Variants in ZFPM2 observed in about 807,000 individuals in gnomAD.
ZFPM2 encodes the protein zinc finger protein ZFPM2.
A neutral mutation model predicts 98.6 loss-of-function variants in ZFPM2; 20 were observed. The observed-to-expected ratio is 0.20, with a 90% CI of 0.14 to 0.29. The LOEUF (loss-of-function observed/expected upper bound fraction) is 0.29. Ranked by LOEUF, ZFPM2 falls within the 10% of genes least tolerant of loss-of-function variation. The pLI, the probability that ZFPM2 is intolerant of heterozygous loss-of-function variation, is 1.00. For missense variants in ZFPM2, 1,310 were observed against 1,388.6 expected, an observed-to-expected ratio of 0.94 and a Z score of 0.90; for synonymous variants, 518 against 502.7, an observed-to-expected ratio of 1.03 and a Z score of -0.41.
intron 1 of ZFPM2, among the ~76,000 whole-genome samples, chr8:105,408,465 T>C (rs144049214): frequency 1.3e-3 from 195 of 151,886 alleles, no homozygotes; most frequent in African/African-American, 4.4e-3. Context: ...CATGTTGATT[T>C]TGTTTTCCCC....
chr8:105,517,848 A>G (rs1202899891), intron 3 of ZFPM2, among the ~76,000 whole-genome samples: 2 of 152,130 alleles, frequency 1.3e-5, no homozygotes, highest in African/African-American at 4.8e-5. Context: ...GGAGGTCCAG[A>G]TTGCAGTGAA....
chr8:105,477,024 G>A (rs539471059), intron 3 of ZFPM2, among the ~76,000 whole-genome samples: 4 of 152,110 alleles, frequency 2.6e-5, no homozygotes, highest in South Asian at 2.1e-4. Context: ...CAGCTATGCC[G>A]GTGTACTGTT....
At chr8:105,358,279 A>T (rs1812785926) in intron 1 of ZFPM2, among the ~76,000 whole-genome samples, 1 of 148,036 alleles carries the variant, frequency 6.8e-6, no homozygotes, top group Non-Finnish European at 1.5e-5. Flanking sequence ...TCTGAGGTGG[A>T]GTCTTGCTCT....
chr8:105,427,474 G>A (rs1436679151), intron 2 of ZFPM2, among the ~76,000 whole-genome samples: 1 of 152,136 alleles, frequency 6.6e-6, no homozygotes, highest in South Asian at 2.1e-4. Flanking sequence ...TATTTTTGAG[G>A]CATGTTAAGC....
intron 5 of ZFPM2, among the ~76,000 whole-genome samples, chr8:105,656,060 A>G (rs1351107181): frequency 2.0e-5 from 3 of 152,174 alleles, no homozygotes; most frequent in Non-Finnish European, 4.4e-5. Flanking sequence ...AAAACAAACA[A>G]TAATTCCTAT....
intron 2 of ZFPM2, among the ~76,000 whole-genome samples, chr8:105,432,890 A>G (rs896336978): frequency 1.2e-4 from 19 of 152,162 alleles, no homozygotes; most frequent in Admixed American, 8.5e-4. Flanking sequence ...ACTTGAGGCC[A>G]GGAGTTTGAG....
intron 4 of ZFPM2, among the ~76,000 whole-genome samples, chr8:105,566,805 A>G (rs1030973276): frequency 2.0e-5 from 3 of 152,214 alleles, no homozygotes; most frequent in Non-Finnish European, 4.4e-5. Context: ...AACTCATCGC[A>G]ACCTGTTAAA....
intron 3 of ZFPM2, among the ~76,000 whole-genome samples, chr8:105,536,422 T>A (rs1814453173): frequency 6.6e-6 from 1 of 152,158 alleles, no homozygotes; most frequent in Non-Finnish European, 1.5e-5. Flanking sequence ...TTCTATTTTT[T>A]ATGGTTTACT....
At chr8:105,467,807 C>T (rs1309638062) in intron 3 of ZFPM2, among the ~76,000 whole-genome samples, 1 of 151,974 alleles carries the variant, frequency 6.6e-6, no homozygotes, top group South Asian at 2.1e-4. Flanking sequence ...AAATATGCTA[C>T]CCCTAGTCTC....
At chr8:105,778,979 T>C (rs956592750) in intron 5 of ZFPM2, among the ~76,000 whole-genome samples, 2 of 151,992 alleles carry the variant, frequency 1.3e-5, no homozygotes, top group African/African-American at 2.4e-5. Context: ...GTTTTATTGA[T>C]TTTCTTCCCC....
intron 4 of ZFPM2, among the ~76,000 whole-genome samples, chr8:105,625,130 G>A (rs1268046501): frequency 6.6e-5 from 10 of 152,098 alleles, no homozygotes; most frequent in Admixed American, 6.6e-4. Flanking sequence ...TAGTGTAGTG[G>A]TTCTCGTTAT....
At chr8:105,480,992 C>T (rs1813105198) in intron 3 of ZFPM2, among the ~76,000 whole-genome samples, 1 of 152,098 alleles carries the variant, frequency 6.6e-6, no homozygotes, top group Non-Finnish European at 1.5e-5. Context: ...CCACGTGATC[C>T]ACCCACCTTG....
intron 6 of ZFPM2, among the ~76,000 whole-genome samples, chr8:105,793,849 T>C (rs1331887144): frequency 6.7e-6 from 1 of 149,296 alleles, no homozygotes; most frequent in Non-Finnish European, 1.5e-5. Context: ...GCTGATACCC[T>C]TTCTTCTAGT....
intron 1 of ZFPM2, among the ~76,000 whole-genome samples, chr8:105,395,402 A>G (rs928412600): frequency 1.4e-4 from 21 of 152,216 alleles, no homozygotes; most frequent in Admixed American, 1.3e-3. Context: ...TTCTTAGTGC[A>G]TTAGAACACT....
At chr8:105,421,615 A>G (rs1226365106) in intron 2 of ZFPM2, among the ~76,000 whole-genome samples, 1 of 152,182 alleles carries the variant, frequency 6.6e-6, no homozygotes, top group Non-Finnish European at 1.5e-5. Flanking sequence ...TTCTTCACTT[A>G]AGTTGATGAG....
At chr8:105,455,343 G>A (rs1220078068) in intron 3 of ZFPM2, among the ~76,000 whole-genome samples, 1 of 152,094 alleles carries the variant, frequency 6.6e-6, no homozygotes, top group Non-Finnish European at 1.5e-5. Flanking sequence ...GGGGGTTTGA[G>A]CAAAAACTGG....
chr8:105,350,920 C>T (rs768572975), intron 1 of ZFPM2, among the ~76,000 whole-genome samples: 2 of 151,734 alleles, frequency 1.3e-5, no homozygotes, highest in South Asian at 2.1e-4. Flanking sequence ...TGGTGGCTCA[C>T]GCCTGTAATC....
intron 5 of ZFPM2, among the ~76,000 whole-genome samples, chr8:105,716,273 A>G (rs1030046690): frequency 2.0e-5 from 3 of 150,982 alleles, no homozygotes. Context: ...CATATAAAAT[A>G]TAGATAAAAT....
rs1216880717 is a variant in ZFPM2 at position 105,731,230 on chromosome 8, T to G, written c.533-57488T>G. Among the ~76,000 whole-genome samples the G allele has an allele frequency of 4.0e-5, 6 of 151,558 alleles. No individual in the cohort carries two copies. In the South Asian group the frequency reaches 1.2e-3, roughly 32 times the overall value. ...GTTCTCCCTTGTCCTTTCCCTTATT[T>G]TTTTTCAAAAAGAAAGTGAAACCAC... On this transcript the variant is annotated intron_variant, in intron 5 of 7. Transcript: ENST00000407775.
Sources: gnomAD v4.1 joint callset for allele counts (sites outside exome capture counted in the v4.1 genomes callset) on GRCh38, gnomAD v4.1.1 for gene constraint, MANE v1.5 for transcripts, NCBI Gene and HGNC (gene_info 2026-07-23, HGNC 2026-07-21) for gene names.